The following PTPRT variants were observed in gnomAD, a reference collection of about 807,000 sequenced individuals.
PTPRT encodes receptor-type tyrosine-protein phosphatase T.
A neutral mutation model predicts 176.8 loss-of-function variants in PTPRT; 56 were observed. The ratio of observed to expected loss-of-function variants is 0.32; its 90% CI spans 0.26 to 0.40. The LOEUF is 0.40. Ranked by LOEUF, PTPRT falls within the 10% of genes least tolerant of loss-of-function variation. The pLI is 1.00. For synonymous variants in PTPRT, 783 were observed against 739.0 expected (o/e 1.06, Z -0.96); for missense variants, 1,540 against 1,908.2 (o/e 0.81, Z 3.60).
chr20:42,944,398 G>A (rs535697230), intron 1 of PTPRT, among the ~76,000 whole-genome samples: 2 of 152,118 alleles, frequency 1.3e-5, no homozygotes, highest in Non-Finnish European at 2.9e-5. Context: ...GACACTCCTG[G>A]AACAAAAATC....
At chr20:42,232,827 A>AG (rs1483927312) in intron 15 of PTPRT, among the ~76,000 whole-genome samples, 1 of 151,618 alleles carries the variant, frequency 6.6e-6, no homozygotes, top group Non-Finnish European at 1.5e-5. Flanking sequence ...AAAAAAAAAA[A>AG]AAAAAAAAAG....
Position 42,161,372 on chromosome 20 carries a change from C to T in PTPRT, c.2662G>A (p.Gly888Arg), listed in dbSNP as rs759474238. 1.2e-5 allele frequency: 19 copies of T among 1,613,950 alleles called. No individual in the cohort carries two copies. The South Asian group carries it at 1.6e-4, about 14-fold the overall frequency. Reference protein sequence around the residue: ...ITQMKRGQGYGFKEEYEALPE... With the variant: ...ITQMKRGQGYRFKEEYEALPE... ...CTTACCTCGTATTCCTCCTTGAACC[C>T]GTAGCCCTGGCCTCTCTTCATCTGC... The change falls in exon 17 of 31, where the codon GGG (glycine) becomes AGG (arginine). Residue 888 changes from glycine to arginine, a missense_variant. Gly to Arg is a moderately radical substitution (Grantham distance 125, BLOSUM62 -2). Coordinates refer to ENST00000373187, the MANE Select transcript of PTPRT (RefSeq NM_007050.6).
At chr20:42,793,616 C>T (rs184264797) in intron 2 of PTPRT, among the ~76,000 whole-genome samples, 1 of 152,236 alleles carries the variant, frequency 6.6e-6, no homozygotes, top group East Asian at 1.9e-4. Context: ...GTTTTATGGC[C>T]GTGCAGTAAC....
chr20:42,427,645 C>A (rs1006928034), intron 9 of PTPRT, among the ~76,000 whole-genome samples: 4 of 152,144 alleles, frequency 2.6e-5, no homozygotes, highest in Admixed American at 2.6e-4. Flanking sequence ...CCAAAGGTCT[C>A]ACCTCTTAAT....
intron 15 of PTPRT, among the ~76,000 whole-genome samples, chr20:42,232,388 C>T (rs1159830602): frequency 2.0e-5 from 3 of 152,184 alleles, no homozygotes; most frequent in Non-Finnish European, 4.4e-5. Context: ...CACCTGCGAC[C>T]TTGTTACAAT....
At chr20:42,154,993 A>T (rs1293172667) in intron 17 of PTPRT, among the ~76,000 whole-genome samples, 1 of 152,186 alleles carries the variant, frequency 6.6e-6, no homozygotes, top group Non-Finnish European at 1.5e-5. Context: ...GGGTTGGCAG[A>T]GCATGCCAGG....
At chr20:43,003,246 G>C (rs940462401) in intron 1 of PTPRT, among the ~76,000 whole-genome samples, 2 of 152,172 alleles carry the variant, frequency 1.3e-5, no homozygotes, top group Admixed American at 6.5e-5. Flanking sequence ...AGAGTGCAGT[G>C]GTGCAATCAT....
intron 13 of PTPRT, among the ~76,000 whole-genome samples, chr20:42,257,654 C>T (rs941722091): frequency 1.0e-5 from 1 of 99,228 alleles, no homozygotes; most frequent in Non-Finnish European, 2.0e-5. Flanking sequence ...CCCCCCCCCC[C>T]CCGCCCACTA....
chr20:42,610,578 A>G (rs2073959695), intron 7 of PTPRT, among the ~76,000 whole-genome samples: 1 of 151,970 alleles, frequency 6.6e-6, no homozygotes, highest in African/African-American at 2.4e-5. Context: ...ACCTTTTCCA[A>G]ACTAATCTGT....
At chr20:42,295,580 G>A (rs765056080) in intron 12 of PTPRT, among the ~76,000 whole-genome samples, 2 of 152,018 alleles carry the variant, frequency 1.3e-5, no homozygotes, top group Non-Finnish European at 2.9e-5. Context: ...GATGAAAGTA[G>A]GATATATAAA....
At chr20:42,053,679 T>A in the PTPRT span, among the ~76,000 whole-genome samples, 1 of 152,226 alleles carries the variant, frequency 6.6e-6, no homozygotes, top group African/African-American at 2.4e-5. Context: ...CTGGGCCACA[T>A]GTCTCTGAAA....
chr20:42,956,263 AG>A (rs1201279187), intron 1 of PTPRT, among the ~76,000 whole-genome samples: 1 of 152,114 alleles, frequency 6.6e-6, no homozygotes. Context: ...GGTGGGACCT[AG>A]TGGGAAGCAA....
intron 27 of PTPRT, among the ~76,000 whole-genome samples, chr20:42,091,262 T>C (rs2146164419): frequency 6.6e-6 from 1 of 152,302 alleles, no homozygotes; most frequent in African/African-American, 2.4e-5. Flanking sequence ...AAGATGTCCT[T>C]GGGGGGTGCA....
intron 2 of PTPRT, among the ~76,000 whole-genome samples, chr20:42,796,720 C>T (rs957874380): frequency 2.6e-5 from 4 of 152,344 alleles, no homozygotes; most frequent in African/African-American, 7.2e-5. Flanking sequence ...TGTGCACACA[C>T]GTTGGGCATT....
intron 15 of PTPRT, among the ~76,000 whole-genome samples, chr20:42,204,251 T>TC (rs2055394546): frequency 6.6e-6 from 1 of 151,588 alleles, no homozygotes; most frequent in African/African-American, 2.4e-5. Flanking sequence ...GTCAGAGATT[T>TC]CCCCCGCAGA....
intron 1 of PTPRT, among the ~76,000 whole-genome samples, chr20:42,927,862 T>TA (rs1374553696): frequency 6.6e-6 from 1 of 152,226 alleles, no homozygotes; most frequent in African/African-American, 2.4e-5. Context: ...ATGTAGGTTG[T>TA]ACTTAGACCA....
At chr20:42,611,047 A>G (rs533377214) in intron 7 of PTPRT, among the ~76,000 whole-genome samples, 6 of 152,300 alleles carry the variant, frequency 3.9e-5, no homozygotes, top group East Asian at 1.9e-4. Flanking sequence ...TGGATATGCT[A>G]TATTTAATTT....
At chr20:42,762,548 G>A (rs572514809) in intron 5 of PTPRT, among the ~76,000 whole-genome samples, 17 of 152,300 alleles carry the variant, frequency 1.1e-4, no homozygotes, top group South Asian at 4.1e-4. Flanking sequence ...GCTAAGAGGC[G>A]GGAGTTGTGG....
At chr20:43,061,121 T>TGGTC (rs1555825229) in intron 1 of PTPRT, among the ~76,000 whole-genome samples, 3 of 151,340 alleles carry the variant, frequency 2.0e-5, no homozygotes, top group Admixed American at 6.6e-5. Context: ...GATGGATGGA[T>TGGTC]GGTCAGTCAG....
Sources: allele counts gnomAD v4.1 joint callset (sites outside exome capture counted in the v4.1 genomes callset), GRCh38; gene constraint gnomAD v4.1.1; transcripts MANE v1.5; gene names NCBI Gene and HGNC (gene_info 2026-07-23, HGNC 2026-07-21).